The following DNAH8 variants were observed in gnomAD, a reference collection of about 807,000 sequenced individuals.
The protein encoded by DNAH8 is dynein axonemal heavy chain 8.
A neutral mutation model predicts 562.1 loss-of-function variants in DNAH8; 382 were observed. That is an observed-to-expected ratio of 0.68 (90% CI 0.63 to 0.74). The LOEUF is 0.74. Ranked by LOEUF, DNAH8 falls within the 30% of genes least tolerant of loss-of-function variation. The pLI is 0.00. For synonymous variants in DNAH8, 1,881 were observed against 1,919.4 expected (o/e 0.98, Z 0.52); for missense variants, 5,203 against 5,620.4 (o/e 0.93, Z 2.37).
At chr6:38,883,743 A>G in intron 55 of DNAH8, 133 bp from the exon 56 acceptor site, 1 of 720,074 alleles carries the variant, frequency 1.4e-6, no homozygotes, top group Non-Finnish European at 2.0e-6. Context: ...TTAACAACAT[A>G]TATTTTAATA....
At chr6:39,015,481 T>G (rs994886314) in intron 91 of DNAH8, among the ~76,000 whole-genome samples, 5 of 152,190 alleles carry the variant, frequency 3.3e-5, no homozygotes, top group African/African-American at 1.2e-4. Context: ...CATGCTGCTT[T>G]CGTGATAGTG....
intron 91 of DNAH8, among the ~76,000 whole-genome samples, chr6:39,022,989 A>G (rs1767026863): frequency 6.6e-6 from 1 of 152,212 alleles, no homozygotes; most frequent in Non-Finnish European, 1.5e-5. Context: ...TTTTTAAAGC[A>G]TCTGATTTAG....
At chr6:38,946,769 C>T (rs559357444) in intron 80 of DNAH8, among the ~76,000 whole-genome samples, 2 of 151,844 alleles carry the variant, frequency 1.3e-5, no homozygotes, top group South Asian at 2.1e-4. Context: ...GAAATTGCAC[C>T]GTTGCACTCC....
chr6:38,746,134 T>G (rs1764909174), intron 8 of DNAH8, among the ~76,000 whole-genome samples: 1 of 152,204 alleles, frequency 6.6e-6, no homozygotes, highest in Non-Finnish European at 1.5e-5. Context: ...AGAATTCTTA[T>G]GTAAGAAAAT....
intron 82 of DNAH8, among the ~76,000 whole-genome samples, chr6:38,959,477 G>A (rs1762471878): frequency 5.3e-5 from 8 of 151,898 alleles, no homozygotes; most frequent in Admixed American, 3.3e-4. Flanking sequence ...TGCCGACATT[G>A]AACTATCTGA....
intron 57 of DNAH8, among the ~76,000 whole-genome samples, chr6:38,887,397 C>G (rs145494557): frequency 3.3e-5 from 5 of 152,122 alleles, no homozygotes; most frequent in African/African-American, 1.2e-4. Context: ...AATGTAACAT[C>G]GAATCACATA....
rs771416006 is a variant in DNAH8 at position 38,722,884 on chromosome 6, T to C, written c.75T>C (p.Pro25=). The stretch of plus-strand genomic sequence containing the variant: ...CTCCCTCTACGGAAGAGGCTGCCCC[T>C]CCCCGTTCAGAAGAGGAAGAGGCCC... The part of the protein sequence containing the change: ...EAPPSTEEAA[P]PRSEEEEAPR... Residue 25 remains proline (P), a synonymous_variant, in exon 2 of 93, where the codon CCT becomes CCC. Coordinates refer to ENST00000327475, the MANE Select transcript of DNAH8 (RefSeq NM_001206927.2). The C allele has an allele frequency of 1.4e-5, 22 of 1,611,640 alleles. No homozygotes were observed. In the Admixed American group the frequency reaches 1.5e-4, roughly 11 times the overall value.
rs79589455 is a variant in DNAH8, at chr6:38,766,411, A to G, written c.1618-4002A>G. On this transcript the variant is annotated intron_variant, in intron 11 of 92. Coordinates refer to ENST00000327475, the MANE Select transcript of DNAH8 (RefSeq NM_001206927.2). ...AATGACGAGATATTGGTGAAAGAGT[A>G]CAAATTTTCAGTTATGCAGGATGAA... Among the ~76,000 whole-genome samples the G allele has an allele frequency of 0.011, 1,669 of 152,304 alleles. 88 individuals carry two copies. In the East Asian group the frequency reaches 0.15, roughly 13 times the overall value.
At chr6:38,960,581 C>T (rs1334705612) in intron 82 of DNAH8, among the ~76,000 whole-genome samples, 1 of 151,918 alleles carries the variant, frequency 6.6e-6, no homozygotes, top group African/African-American at 2.4e-5. Context: ...GATATCATCT[C>T]ACCCCAATTT....
intron 4 of DNAH8, among the ~76,000 whole-genome samples, chr6:38,733,128 G>A (rs1216978819): frequency 6.6e-6 from 1 of 152,140 alleles, no homozygotes; most frequent in East Asian, 1.9e-4. Context: ...CTGGGTTCAA[G>A]CAATCCTCCT....
Position 38,786,712 on chromosome 6 carries a change from G to A in DNAH8, c.2396-53G>A, listed in dbSNP as rs530587264. On this transcript the variant is annotated intron_variant, in intron 17 of 92. Transcript: ENST00000327475. ...GCAAGACAGAAATATAAACACAGCT[G>A]GAAGCAGAAAGGAAATTCAGAATGA... 2.3e-5 allele frequency: 36 copies of A among 1,557,684 alleles called. No individual in the cohort carries two copies. The South Asian group carries it at 4.1e-4, about 18-fold the overall frequency.
intron 13 of DNAH8, among the ~76,000 whole-genome samples, chr6:38,778,090 TA>T (rs1249326550): frequency 2.6e-5 from 4 of 152,240 alleles, no homozygotes; most frequent in African/African-American, 9.6e-5. Flanking sequence ...TTAATGTCAT[TA>T]ATATGAAATC....
chr6:38,782,474 G>A (rs1455004186), intron 16 of DNAH8, among the ~76,000 whole-genome samples: 3 of 151,992 alleles, frequency 2.0e-5, no homozygotes, highest in Non-Finnish European at 2.9e-5. Context: ...GAGAGACAGC[G>A]TTTCACTATG....
At chr6:38,895,562 G>C (rs1281242012) in intron 59 of DNAH8, among the ~76,000 whole-genome samples, 1 of 152,056 alleles carries the variant, frequency 6.6e-6, no homozygotes, top group Non-Finnish European at 1.5e-5. Context: ...TCATCTTTTG[G>C]AGCCTCCATT....
At chr6:38,775,631 C>A in intron 12 of DNAH8, 123 bp from the exon 13 acceptor site, 1 of 632,028 alleles carries the variant, frequency 1.6e-6, no homozygotes, top group Non-Finnish European at 2.7e-6. Flanking sequence ...TTGGTTTTAG[C>A]GAAATTATTC....
At chr6:38,998,773 A>G (rs558176424) in intron 88 of DNAH8, among the ~76,000 whole-genome samples, 1 of 152,296 alleles carries the variant, frequency 6.6e-6, no homozygotes, top group Admixed American at 6.5e-5. Flanking sequence ...GCTTCTTCCC[A>G]TATTTACTCT....
intron 13 of DNAH8, among the ~76,000 whole-genome samples, chr6:38,777,588 G>A (rs1330307461): frequency 2.0e-5 from 3 of 152,040 alleles, no homozygotes; most frequent in Non-Finnish European, 4.4e-5. Flanking sequence ...TAGGGATGGT[G>A]GGAATATTTA....
At chr6:38,965,942 C>T (rs905471701) in intron 82 of DNAH8, among the ~76,000 whole-genome samples, 2 of 152,052 alleles carry the variant, frequency 1.3e-5, no homozygotes, top group Admixed American at 1.3e-4. Context: ...CAACCTTCCA[C>T]ATTAAGAAAC....
intron 46 of DNAH8, 27 bp from the exon 47 acceptor site, chr6:38,866,741 GA>G (rs772992674): frequency 1.1e-5 from 18 of 1,600,852 alleles, no homozygotes; most frequent in African/African-American, 2.7e-5. Flanking sequence ...CACTAAAGTT[GA>G]AAAAAACTCA....
Sources: allele counts gnomAD v4.1 joint callset (sites outside exome capture counted in the v4.1 genomes callset), GRCh38; gene constraint gnomAD v4.1.1; transcripts MANE v1.5; gene names NCBI Gene and HGNC (gene_info 2026-07-23, HGNC 2026-07-21).